The following LTBP1 variants were observed in gnomAD, a reference collection of about 807,000 sequenced individuals.
The protein encoded by LTBP1 is latent transforming growth factor beta binding protein 1, also known as latent-transforming growth factor beta-binding protein 1.
In LTBP1, 129 loss-of-function variants were observed where a neutral mutation model predicts 207.6. The observed-to-expected ratio is 0.62, with a 90% CI of 0.54 to 0.72. The LOEUF is 0.72. Ranked by LOEUF, LTBP1 falls within the 30% of genes least tolerant of loss-of-function variation. LTBP1 has a pLI of 0.00. For missense variants in LTBP1, 2,281 were observed against 2,217.2 expected (o/e 1.03, Z -0.58); for synonymous variants, 963 against 833.7 (o/e 1.16, Z -2.67).
chr2:33,232,059 A>G (rs2091820085), intron 9 of LTBP1, among the ~76,000 whole-genome samples: 1 of 152,108 alleles, frequency 6.6e-6, no homozygotes, highest in Non-Finnish European at 1.5e-5. Flanking sequence ...TGAGGGTGAG[A>G]GTGTGATATC....
intron 3 of LTBP1, among the ~76,000 whole-genome samples, chr2:33,031,689 G>A (rs558167354): frequency 7.9e-4 from 120 of 152,310 alleles, no homozygotes; most frequent in African/African-American, 2.7e-3. Flanking sequence ...ACAGGTGGAC[G>A]ATAGGGTGGG....
At chr2:33,238,680 T>C (rs1041070387) in intron 9 of LTBP1, among the ~76,000 whole-genome samples, 6 of 152,238 alleles carry the variant, frequency 3.9e-5, no homozygotes, top group African/African-American at 1.4e-4. Context: ...ATTCCTCCTA[T>C]TATTTTCCCC....
intron 9 of LTBP1, among the ~76,000 whole-genome samples, chr2:33,231,273 G>A (rs1307840317): frequency 6.6e-6 from 1 of 152,244 alleles, no homozygotes; most frequent in South Asian, 2.1e-4. Flanking sequence ...TATTATACTC[G>A]TTCTGCTTTA....
At chr2:33,359,857 G>A (rs550312090) in intron 26 of LTBP1, among the ~76,000 whole-genome samples, 1 of 152,276 alleles carries the variant, frequency 6.6e-6, no homozygotes, top group East Asian at 1.9e-4. Flanking sequence ...CTGAAAGTGG[G>A]TGGATTTTGT....
intron 5 of LTBP1, among the ~76,000 whole-genome samples, chr2:33,163,461 T>C (rs1009358401): frequency 4.6e-5 from 7 of 152,166 alleles, no homozygotes; most frequent in African/African-American, 1.7e-4. Context: ...CATGATCTTA[T>C]GGTAGAAAAA....
intron 5 of LTBP1, among the ~76,000 whole-genome samples, chr2:33,174,776 C>T (rs1481043842): frequency 6.6e-6 from 1 of 152,092 alleles, no homozygotes; most frequent in East Asian, 1.9e-4. Flanking sequence ...GCTACAGTAA[C>T]CAAAACAGCA....
intron 5 of LTBP1, among the ~76,000 whole-genome samples, chr2:33,180,259 C>T (rs1283880215): frequency 3.9e-5 from 6 of 152,152 alleles, no homozygotes; most frequent in Non-Finnish European, 8.8e-5. Context: ...TAAATCTCCA[C>T]ATTCCATAGG....
At chr2:33,364,894 G>C (rs1159981636) in intron 30 of LTBP1, among the ~76,000 whole-genome samples, 1 of 152,232 alleles carries the variant, frequency 6.6e-6, no homozygotes, top group African/African-American at 2.4e-5. Flanking sequence ...AGGAATTAAA[G>C]ACTCTAGGAT....
intron 4 of LTBP1, among the ~76,000 whole-genome samples, chr2:33,112,916 A>G (rs1409294142): frequency 2.6e-5 from 4 of 152,246 alleles, no homozygotes; most frequent in Non-Finnish European, 5.9e-5. Flanking sequence ...CTTCATTTTT[A>G]TATTTACAGA....
At position 33,020,965 on chromosome 2, in the gene LTBP1, G is replaced by T. The variant is rs777512936; in HGVS notation, c.622G>T (p.Val208Leu). The change falls in exon 3 of 34, where the codon GTG becomes TTG. Residue 208 changes from valine to leucine, a missense_variant. Transcript: ENST00000404816. ...GATGTGTCTCCGGCCACAACTCTGT[G>T]TGTGTAAACCAGGGACCAAGGGCAA... ...GGMCLRPQLC[V>L]CKPGTKGKAC... 1 of 1,609,622 alleles carries T rather than the reference G, an allele frequency of 6.2e-7. No homozygotes were observed. The highest frequency in any genetic ancestry group is 1.1e-5 in the South Asian group (1 of 90,472).
At chr2:33,163,282 A>G in intron 5 of LTBP1, among the ~76,000 whole-genome samples, 1 of 152,222 alleles carries the variant, frequency 6.6e-6, no homozygotes. Flanking sequence ...CCCAGCCTTT[A>G]AGAGGCTTTA....
At chr2:33,388,048 T>G (rs2095283064) in intron 31 of LTBP1, among the ~76,000 whole-genome samples, 1 of 152,190 alleles carries the variant, frequency 6.6e-6, no homozygotes, top group Non-Finnish European at 1.5e-5. Context: ...TGGAACATAC[T>G]CAGAACATGA....
At chr2:33,381,959 A>G (rs2095219354) in intron 31 of LTBP1, among the ~76,000 whole-genome samples, 1 of 152,096 alleles carries the variant, frequency 6.6e-6, no homozygotes, top group African/African-American at 2.4e-5. Flanking sequence ...TAAATGAAAC[A>G]GTGTATGCAA....
intron 24 of LTBP1, among the ~76,000 whole-genome samples, chr2:33,316,307 A>T (rs2094271340): frequency 6.6e-6 from 1 of 152,200 alleles, no homozygotes; most frequent in African/African-American, 2.4e-5. Flanking sequence ...AAATTGCAAA[A>T]GTTTTGTTCT....
intron 13 of LTBP1, among the ~76,000 whole-genome samples, chr2:33,261,575 A>C (rs2093010305): frequency 6.6e-6 from 1 of 152,190 alleles, no homozygotes; most frequent in Non-Finnish European, 1.5e-5. Flanking sequence ...AACTGTTAAG[A>C]AAAAAGTGTC....
chr2:33,356,615 A>G (rs991417349), intron 26 of LTBP1, among the ~76,000 whole-genome samples: 3 of 152,132 alleles, frequency 2.0e-5, no homozygotes, highest in Non-Finnish European at 4.4e-5. Context: ...GATCCACTGC[A>G]CTCCAGCCTG....
At chr2:32,960,769 A>C (rs181620015) in intron 2 of LTBP1, among the ~76,000 whole-genome samples, 155 of 152,268 alleles carry the variant, frequency 1.0e-3, no homozygotes, top group Non-Finnish European at 2.4e-4. Flanking sequence ...GGTCTGAGAG[A>C]AGAGTATTTT....
chr2:33,169,721 C>T (rs2085250251), intron 5 of LTBP1, among the ~76,000 whole-genome samples: 1 of 152,056 alleles, frequency 6.6e-6, no homozygotes, highest in South Asian at 2.1e-4. Context: ...AAGATGTTTT[C>T]ATCAATAAGA....
chr2:33,181,792 CTT>C, intron 5 of LTBP1, among the ~76,000 whole-genome samples: 1 of 152,310 alleles, frequency 6.6e-6, no homozygotes, highest in South Asian at 2.1e-4. Context: ...ATAACGTACT[CTT>C]TTCCTCTTGA....
Sources: allele counts gnomAD v4.1 joint callset (sites outside exome capture counted in the v4.1 genomes callset), GRCh38; gene constraint gnomAD v4.1.1; transcripts MANE v1.5; gene names NCBI Gene and HGNC (gene_info 2026-07-23, HGNC 2026-07-21).